Variants in TBX20 observed in about 807,000 individuals in gnomAD.
The protein encoded by TBX20 is T-box transcription factor TBX20.
Under a neutral mutation model 42.9 loss-of-function variants are expected in TBX20, and 8 were observed. The observed-to-expected ratio is 0.19, with a 90% CI of 0.11 to 0.34. The LOEUF is 0.34. Ranked by LOEUF, TBX20 falls within the 10% of genes least tolerant of loss-of-function variation. The probability of loss-of-function intolerance (pLI) is 1.00; values close to 1 mark genes in which losing one functional copy is unlikely to be tolerated. For synonymous variants in TBX20, 198 were observed against 222.8 expected, an observed-to-expected ratio of 0.89 and a Z score of 0.99; for missense variants, 411 against 566.0, an observed-to-expected ratio of 0.73 and a Z score of 2.78.
chr7:35,204,622 A>C, intron 6 of TBX20, 40 bp from the exon 7 acceptor site: 2 of 1,497,010 alleles, frequency 1.3e-6, no homozygotes, highest in Non-Finnish European at 1.9e-6. Context: ...GTAAAATGTA[A>C]AGGACTCAGA....
At chr7:35,214,156 G>T (rs62464690) in intron 6 of TBX20, among the ~76,000 whole-genome samples, 3,726 of 152,082 alleles carry the variant, frequency 0.024, 66 homozygotes, top group Non-Finnish European at 0.038. Context: ...ATCTAAAACA[G>T]GTAAAAATAT....
At chr7:35,209,753 G>A (rs1789461931) in intron 6 of TBX20, among the ~76,000 whole-genome samples, 2 of 152,158 alleles carry the variant, frequency 1.3e-5, no homozygotes, top group African/African-American at 2.4e-5. Flanking sequence ...TGAGGTTATT[G>A]ATTTGGGACC....
intron 4 of TBX20, among the ~76,000 whole-genome samples, chr7:35,242,638 A>T (rs530013047): frequency 2.0e-5 from 3 of 152,154 alleles, no homozygotes; most frequent in African/African-American, 7.2e-5. Context: ...TTCTTTCCCC[A>T]CTTCTACCAC....
intron 4 of TBX20, among the ~76,000 whole-genome samples, chr7:35,241,336 G>A (rs955361366): frequency 3.9e-5 from 6 of 152,192 alleles, no homozygotes; most frequent in Admixed American, 2.0e-4. Flanking sequence ...TAAAAATCAC[G>A]TCTTTTAAAT....
chr7:35,238,278 C>CA (rs1168735299), intron 5 of TBX20, among the ~76,000 whole-genome samples: 1 of 152,124 alleles, frequency 6.6e-6, no homozygotes, highest in African/African-American at 2.4e-5. Flanking sequence ...AACACTTACG[C>CA]AGTCTTGGTC....
At chr7:35,240,584 G>A (rs1790056557) in intron 5 of TBX20, among the ~76,000 whole-genome samples, 1 of 152,180 alleles carries the variant, frequency 6.6e-6, no homozygotes, top group Non-Finnish European at 1.5e-5. Context: ...CCAGGAGGAG[G>A]AAAAGGAGGC....
At chr7:35,253,407 C>T in intron 1 of TBX20, 87 bp downstream of exon 1, 3 of 1,476,064 alleles carry the variant, frequency 2.0e-6, no homozygotes, top group Non-Finnish European at 2.8e-6. Context: ...GAGCATCAGA[C>T]GTTGCTGCGA....
chr7:35,211,034 T>C (rs1238958410), intron 6 of TBX20, among the ~76,000 whole-genome samples: 1 of 152,048 alleles, frequency 6.6e-6, no homozygotes, highest in Non-Finnish European at 1.5e-5. Flanking sequence ...TTATTAGATA[T>C]AACTTTCTTT....
intron 6 of TBX20, among the ~76,000 whole-genome samples, chr7:35,214,175 C>T (rs1789544255): frequency 6.6e-6 from 1 of 152,088 alleles, no homozygotes; most frequent in African/African-American, 2.4e-5. Context: ...ATTTTATCCT[C>T]TTAGATTATA....
At chr7:35,206,813 C>A (rs941691952) in intron 6 of TBX20, among the ~76,000 whole-genome samples, 50 of 152,260 alleles carry the variant, frequency 3.3e-4, no homozygotes, top group African/African-American at 1.2e-3. Context: ...TTTTATCTGG[C>A]TTATTTCACT....
intron 1 of TBX20, among the ~76,000 whole-genome samples, chr7:35,250,422 T>A (rs192178286): frequency 1.3e-5 from 2 of 152,298 alleles, no homozygotes; most frequent in Admixed American, 1.3e-4. Flanking sequence ...GCTAGTGAGT[T>A]CTAGAATGAC....
intron 1 of TBX20, among the ~76,000 whole-genome samples, chr7:35,251,226 T>C (rs1790299064): frequency 6.6e-6 from 1 of 152,198 alleles, no homozygotes; most frequent in South Asian, 2.1e-4. Context: ...CAATGTGAAG[T>C]TGATCTCTTA....
At chr7:35,218,832 C>G (rs1389088282) in intron 6 of TBX20, among the ~76,000 whole-genome samples, 3 of 152,060 alleles carry the variant, frequency 2.0e-5, no homozygotes, top group African/African-American at 4.8e-5. Context: ...TGGGAGATGA[C>G]TAGGATGAGA....
intron 6 of TBX20, among the ~76,000 whole-genome samples, chr7:35,224,336 A>T (rs111352402): frequency 6.6e-6 from 1 of 151,148 alleles, no homozygotes; most frequent in Non-Finnish European, 1.5e-5. Context: ...TAAATAAAAT[A>T]TAAGTAGTTT....
At position 35,228,679 on chromosome 7, in the gene TBX20, A is replaced by G. The variant is rs541642453; in HGVS notation, c.890+2825T>C. Reference sequence around the variant, plus strand: ...AACCGCATGCCCCCAGAAAAGAAACATAAAATGCCAACTGAATGACTGTCT... The same window carrying G: ...AACCGCATGCCCCCAGAAAAGAAACGTAAAATGCCAACTGAATGACTGTCT... On this transcript the variant is annotated intron_variant, in intron 6 of 7. Transcript: ENST00000408931. Among the ~76,000 whole-genome samples the G allele has an allele frequency of 2.6e-4, 39 of 152,296 alleles. No homozygotes were observed. In the South Asian group the frequency reaches 3.9e-3, roughly 15 times the overall value.
chr7:35,243,122 T>C (rs1790114977), intron 4 of TBX20, among the ~76,000 whole-genome samples: 1 of 152,086 alleles, frequency 6.6e-6, no homozygotes. Context: ...GGACTACAAG[T>C]GCATGCCACC....
At chr7:35,244,559 CTATTCTCTCTAAGTTT>C (rs1790143887) in intron 4 of TBX20, among the ~76,000 whole-genome samples, 1 of 152,202 alleles carries the variant, frequency 6.6e-6, no homozygotes, top group Non-Finnish European at 1.5e-5. Context: ...GGTCCTAGCC[CTATTCTCTCTAAGTTT>C]TATTATCTGC....
At chr7:35,234,345 G>A (rs1317659580) in intron 5 of TBX20, among the ~76,000 whole-genome samples, 1 of 152,068 alleles carries the variant, frequency 6.6e-6, no homozygotes, top group Non-Finnish European at 1.5e-5. Flanking sequence ...CTCATAATAT[G>A]ATTGAGAAGT....
intron 6 of TBX20, among the ~76,000 whole-genome samples, chr7:35,210,207 C>T (rs1178838419): frequency 5.3e-5 from 8 of 151,602 alleles, no homozygotes; most frequent in Admixed American, 2.0e-4. Context: ...CTCTGCCTCC[C>T]GGGTTCAAGT....
Sources: gnomAD v4.1 joint callset for allele counts (sites outside exome capture counted in the v4.1 genomes callset) on GRCh38, gnomAD v4.1.1 for gene constraint, MANE v1.5 for transcripts, NCBI Gene and HGNC (gene_info 2026-07-23, HGNC 2026-07-21) for gene names.